Variants in MIA3 observed in about 807,000 individuals in gnomAD.
MIA3 encodes the protein MIA SH3 domain ER export factor 3.
Under a neutral mutation model 192.4 loss-of-function variants are expected in MIA3, and 90 were observed. The observed-to-expected ratio is 0.47, with a 90% CI of 0.39 to 0.56. The LOEUF (loss-of-function observed/expected upper bound fraction) is 0.56. Among genes scored for constraint, MIA3 ranks in the 20% least tolerant of loss-of-function variants. MIA3 has a pLI of 0.00. For missense variants in MIA3, 2,123 were observed against 2,269.4 expected, an observed-to-expected ratio of 0.94 and a Z score of 1.31; for synonymous variants, 740 against 792.8, an observed-to-expected ratio of 0.93 and a Z score of 1.12.
Position 222,627,843 on chromosome 1 carries a change from A to G in MIA3, c.623A>G (p.Lys208Arg). ...EDLQEQFTTQ[K>R]HHSHANSQAN... ...CTTCAGGAACAGTTTACAACTCAGAAGCACCACTCCCATGCAAACAGCCAA... is the reference window on the plus strand; with the variant it reads ...CTTCAGGAACAGTTTACAACTCAGAGGCACCACTCCCATGCAAACAGCCAA... The change falls in exon 4 of 28, where the codon AAG (lysine) becomes AGG (arginine). Residue 208 changes from lysine (K) to arginine (R), a missense_variant. Around this residue, in one of 3 missense-constraint regions of MIA3, gnomAD observed 1,357 missense variants for 1,396.1 expected, o/e 0.97. Transcript: ENST00000344922. The G allele has an allele frequency of 6.2e-7, 1 of 1,614,080 alleles. No homozygotes were observed. Among genetic ancestry groups the G allele is most frequent in the Non-Finnish European group, 8.5e-7 (1 of 1,180,036 alleles).
chr1:222,661,823 G>C (rs1363687176), intron 24 of MIA3, among the ~76,000 whole-genome samples: 2 of 152,180 alleles, frequency 1.3e-5, no homozygotes, highest in Admixed American at 6.5e-5. Context: ...TCTGTAGCTT[G>C]AAGTATAGAA....
In MIA3 at chr1:222,667,401, A is replaced by C. The variant is rs1434335066; in HGVS notation, c.*1782A>C. 2.0e-5 allele frequency: 3 copies of C among 152,242 alleles called. No individual in the cohort carries two copies. Among genetic ancestry groups the C allele is most frequent in the African/African-American group, 7.2e-5 (3 of 41,458 alleles). The allele number at this position is 152,242 out of a possible 1,614,324, so 9.4% of individuals were successfully genotyped here. On this transcript the variant is annotated 3_prime_UTR_variant, in exon 28 of 28. Transcript: ENST00000344922. ...TCTTTAGGACACAAAACAATGCTGA[A>C]GTTAATATAATTTCTAATTTTAAAT... is the stretch of plus-strand genomic sequence containing the variant.
intron 6 of MIA3, chr1:222,641,436 G>A: frequency 6.1e-6 from 3 of 494,722 alleles, no homozygotes; most frequent in South Asian, 4.5e-5. Context: ...AGTAGCCTGA[G>A]CTGCCCCCAG....
At position 222,620,809 on chromosome 1, in the gene MIA3, A is replaced by G. The variant is rs193059279; in HGVS notation, c.134-350A>G. ...AAAAGGAAGCTTTTTATGAATATGAAACAGAAAAGATTGAGGACTAGAAGG... is the reference window on the plus strand; with the variant it reads ...AAAAGGAAGCTTTTTATGAATATGAGACAGAAAAGATTGAGGACTAGAAGG... On this transcript the variant is annotated intron_variant, in intron 1 of 27. Transcript: ENST00000344922. Among the ~76,000 whole-genome samples, 180 of 152,148 alleles carry G rather than the reference A, an allele frequency of 1.2e-3. 1 individual carries two copies. Among genetic ancestry groups the G allele is most frequent in the African/African-American group, 4.2e-3 (172 of 41,398 alleles).
chr1:222,632,911 G>A (rs1395892133), intron 5 of MIA3, among the ~76,000 whole-genome samples, 193 bp from the exon 6 acceptor site: 1 of 152,212 alleles, frequency 6.6e-6, no homozygotes, highest in African/African-American at 2.4e-5. Context: ...ACAGAACACT[G>A]TAGTGTGTAA....
In MIA3 at chr1:222,629,584, C is replaced by T. The variant is rs3008620; in HGVS notation, c.2364C>T (p.Ser788=). The T allele has an allele frequency of 0.87, 1,401,544 of 1,613,850 alleles. 611,921 individuals carry two copies. The highest frequency in any genetic ancestry group is 0.93 in the Admixed American group (55,571 of 60,010). The change falls in exon 4 of 28, where the codon AGC becomes AGT. Residue 788 remains serine (S), a synonymous_variant. Coordinates refer to ENST00000344922, the MANE Select transcript of MIA3 (RefSeq NM_198551.4). ...SKQETSMILD[S]EKTSETAAKG... ...AAGAAACTAGTATGATTTTGGATAGCGAAAAAACAAGTGAGACTGCTGCCA... is the reference window on the plus strand; with the variant it reads ...AAGAAACTAGTATGATTTTGGATAGTGAAAAAACAAGTGAGACTGCTGCCA...
chr1:222,665,540 C>G lies in MIA3; in HGVS notation c.5645C>G (p.Ser1882Ter), dbSNP rs1664242758. The part of the protein sequence containing the change: ...PPPAVRDLLP[S>*]GSRDEPPPAS... ...CCTGCTGTAAGAGACTTACTGCCGTCAGGCTCTAGAGATGAGCCTCCACCT... is the reference window on the plus strand; with the variant it reads ...CCTGCTGTAAGAGACTTACTGCCGTGAGGCTCTAGAGATGAGCCTCCACCT... Residue 1882 changes from serine (S) to a stop codon, truncating the protein, a stop_gained, in exon 28 of 28, where the codon TCA becomes TGA. Coordinates refer to ENST00000344922, the MANE Select transcript of MIA3 (RefSeq NM_198551.4). LOFTEE classifies it low-confidence loss of function (END_TRUNC). 1.9e-6 allele frequency: 3 copies of G among 1,614,068 alleles called. No individual in the cohort carries two copies. Among genetic ancestry groups the G allele is most frequent in the Non-Finnish European group, 2.5e-6 (3 of 1,179,938 alleles).
intron 3 of MIA3, 59 bp from the exon 4 acceptor site, chr1:222,627,516 A>G: frequency 7.4e-7 from 1 of 1,357,916 alleles, no homozygotes; most frequent in Non-Finnish European, 1.0e-6. Flanking sequence ...AACGTGGATA[A>G]GACTTTGCTC....
At position 222,633,368 on chromosome 1, in the gene MIA3, AAG is replaced by A. The variant is rs1054195555; in HGVS notation, c.3477+125_3477+126del. The A allele has an allele frequency of 4.8e-6, 4 of 841,704 alleles. No individual in the cohort carries two copies. The African/African-American group carries it at 5.2e-5, about 11-fold the overall frequency. 52.1% of individuals were successfully genotyped at this position (841,704 alleles called of 1,614,324 possible). On this transcript the variant is annotated intron_variant, in intron 6 of 27. Coordinates refer to ENST00000344922, the MANE Select transcript of MIA3 (RefSeq NM_198551.4). ...TATGAACCTGACTCCTGATCCTTTG[AAG>A]AGAGACCCTGAAATGAGCCACAGGT...
chr1:222,618,753 G>A (rs1661727751), intron 1 of MIA3, among the ~76,000 whole-genome samples: 1 of 151,876 alleles, frequency 6.6e-6, no homozygotes. Flanking sequence ...TTTCCCAGTG[G>A]CAGGTTGATG....
At chr1:222,630,924 G>A (rs866514753) in intron 4 of MIA3, among the ~76,000 whole-genome samples, 1 of 152,100 alleles carries the variant, frequency 6.6e-6, no homozygotes, top group Non-Finnish European at 1.5e-5. Context: ...ATTGGGACAG[G>A]GATGCCTTCG....
At position 222,629,471 on chromosome 1, in the gene MIA3, G is replaced by C; in HGVS notation, c.2251G>C (p.Gly751Arg). The change falls in exon 4 of 28, where the codon GGC (glycine) becomes CGC (arginine). Residue 751 changes from glycine to arginine, a missense_variant. Physicochemically the swap from Gly to Arg is moderately radical, Grantham distance 125. Coordinates refer to ENST00000344922, the MANE Select transcript of MIA3 (RefSeq NM_198551.4). ...TAAAGAAAAAAACCCTGGGAATCAGGGCAGGCAGTTTGATGTTAATCTGCA... is the reference window on the plus strand; with the variant it reads ...TAAAGAAAAAAACCCTGGGAATCAGCGCAGGCAGTTTGATGTTAATCTGCA... ...RSKEKNPGNQGRQFDVNLQVP... is the reference protein window; with the variant it reads ...RSKEKNPGNQRRQFDVNLQVP... The C allele has an allele frequency of 1.2e-6, 2 of 1,614,074 alleles. No individual in the cohort carries two copies. The highest frequency in any genetic ancestry group is 1.7e-6 in the Non-Finnish European group (2 of 1,180,030).
intron 1 of MIA3, among the ~76,000 whole-genome samples, chr1:222,619,404 T>C (rs965513396): frequency 1.3e-5 from 2 of 152,202 alleles, no homozygotes; most frequent in Non-Finnish European, 2.9e-5. Flanking sequence ...CTATTTATAT[T>C]CAAATTGATG....
intron 11 of MIA3, among the ~76,000 whole-genome samples, chr1:222,651,125 A>G (rs1663408455): frequency 6.6e-6 from 1 of 151,892 alleles, no homozygotes; most frequent in Admixed American, 6.5e-5. Context: ...GGTAATTGTC[A>G]TATTGCTTGG....
chr1:222,628,088 G>A lies in MIA3; in HGVS notation c.868G>A (p.Asp290Asn). ...GSTADALVSD[D>N]ETTRLVTSLE... ...AACAGCTGATGCACTTGTATCTGAT[G>A]ATGAGACAACCAGACTCGTTACTTC... Residue 290 changes from aspartate to asparagine, a missense_variant, in exon 4 of 28, where the codon GAT (aspartate) becomes AAT (asparagine). Asp to Asn is a conservative substitution (Grantham distance 23). Around this residue, in one of 3 missense-constraint regions of MIA3, gnomAD observed 1,357 missense variants for 1,396.1 expected, o/e 0.97. Transcript: ENST00000344922. The A allele has an allele frequency of 6.2e-7, 1 of 1,614,082 alleles. No individual in the cohort carries two copies. The highest frequency in any genetic ancestry group is 8.5e-7 in the Non-Finnish European group (1 of 1,180,030).
At position 222,629,003 on chromosome 1, in the gene MIA3, G is replaced by T. The variant is rs765825012; in HGVS notation, c.1783G>T (p.Val595Leu). Reference sequence around the variant, plus strand: ...CCACCCTAACGCATCCAGAGACAGTGTGGAGGGAGACGCTTTGGTAAATGG... The same window carrying T: ...CCACCCTAACGCATCCAGAGACAGTTTGGAGGGAGACGCTTTGGTAAATGG... ...DDHPNASRDSVEGDALVNGAK... is the reference protein window; with the variant it reads ...DDHPNASRDSLEGDALVNGAK... Residue 595 changes from valine (V) to leucine (L), a missense_variant, in exon 4 of 28, where the codon GTG (valine) becomes TTG (leucine). Val to Leu is a conservative substitution (Grantham distance 32). Transcript: ENST00000344922. The T allele has an allele frequency of 6.2e-7, 1 of 1,614,212 alleles. No individual in the cohort carries two copies.
At chr1:222,621,872 G>A (rs1370828604) in intron 2 of MIA3, among the ~76,000 whole-genome samples, 4 of 150,750 alleles carry the variant, frequency 2.7e-5, no homozygotes, top group Admixed American at 1.3e-4. Flanking sequence ...GCCGTGGCGC[G>A]ATCTCGGCTC....
At position 222,639,176 on chromosome 1, in the gene MIA3, A is replaced by G. The variant is rs905306686; in HGVS notation, c.3477+5927A>G. ...TAGATGAAGAAATTCTATCTAAGAC[A>G]CAGACTGCAAAAGCTCATTCAGGAA... On this transcript the variant is annotated intron_variant, in intron 6 of 27. Transcript: ENST00000344922. 2.6e-5 allele frequency among the ~76,000 whole-genome samples: 4 copies of G among 152,216 alleles called. No homozygotes were observed. In the East Asian group the frequency reaches 7.7e-4, roughly 29 times the overall value.
At chr1:222,624,962 C>T (rs1662042089) in intron 3 of MIA3, 108 bp downstream of exon 3, 1 of 578,368 alleles carries the variant, frequency 1.7e-6, no homozygotes, top group Non-Finnish European at 3.1e-6. Context: ...TTATCATAAT[C>T]TGATAGTTAT....
Sources: gnomAD v4.1 joint callset for allele counts (sites outside exome capture counted in the v4.1 genomes callset) on GRCh38, gnomAD v4.1.1 for gene constraint, gnomAD v4.1.1 regional missense constraint, MANE v1.5 for transcripts, NCBI Gene and HGNC (gene_info 2026-07-23, HGNC 2026-07-21) for gene names.